The following CFAP92 variants were observed in gnomAD, a reference collection of about 807,000 sequenced individuals.
The protein encoded by CFAP92 is cilia and flagella associated protein 92 (putative), also known as uncharacterized protein CFAP92.
In CFAP92, 86 loss-of-function variants were observed where a neutral mutation model predicts 106.3. That is an observed-to-expected ratio of 0.81 (90% CI 0.68 to 0.97). The LOEUF is 0.97. Among genes scored for constraint, CFAP92 ranks in the 50% least tolerant of loss-of-function variants. CFAP92 has a pLI of 0.00. For missense variants in CFAP92, 1,204 were observed against 1,283.8 expected, an observed-to-expected ratio of 0.94 and a Z score of 0.95; for synonymous variants, 477 against 506.4, an observed-to-expected ratio of 0.94 and a Z score of 0.78.
chr3:128,988,563 T>C (rs1322692452), intron 3 of CFAP92, among the ~76,000 whole-genome samples, 165 bp downstream of exon 3: 1 of 151,790 alleles, frequency 6.6e-6, no homozygotes, highest in Non-Finnish European at 1.5e-5. Context: ...AAGTCAGTAA[T>C]TGGAATGATC....
intron 9 of CFAP92, among the ~76,000 whole-genome samples, chr3:128,956,021 A>AG (rs1941342212): frequency 1.2e-5 from 1 of 82,884 alleles, no homozygotes; most frequent in Non-Finnish European, 2.2e-5. Context: ...TCAAGTAATC[A>AG]GGGACACAAA....
rs754100489 is a variant in CFAP92, at chr3:128,976,962, T to C, written c.896+17A>G. ...GGGGCTCCACTCCCACCACCCAAAA[T>C]ATCGTTCAATCCTTACTGAATCGTG... On this transcript the variant is annotated intron_variant, in intron 6 of 15. Coordinates refer to ENST00000645291, the MANE Select transcript of CFAP92 (RefSeq NM_001394090.1). 4 of 1,607,350 alleles carry C rather than the reference T, an allele frequency of 2.5e-6. 1 individual carries two copies. The South Asian group carries it at 4.4e-5, about 18-fold the overall frequency.
At chr3:128,949,520 T>C (rs1940579120) in intron 9 of CFAP92, among the ~76,000 whole-genome samples, 1 of 152,218 alleles carries the variant, frequency 6.6e-6, no homozygotes, top group African/African-American at 2.4e-5. Context: ...CCCATTTACA[T>C]GACATTCTTC....
At chr3:128,926,788 G>C (rs967012681) in intron 12 of CFAP92, among the ~76,000 whole-genome samples, 1 of 152,078 alleles carries the variant, frequency 6.6e-6, no homozygotes, top group Admixed American at 6.6e-5. Context: ...GATAGGATTA[G>C]TGTCTTTGCA....
At chr3:128,980,782 T>C (rs1943479236) in intron 4 of CFAP92, among the ~76,000 whole-genome samples, 1 of 152,192 alleles carries the variant, frequency 6.6e-6, no homozygotes, top group Admixed American at 6.5e-5. Context: ...CCTCATCTGT[T>C]CAAATTTGAT....
upstream of CFAP92, among the ~76,000 whole-genome samples, chr3:128,996,530 A>T (rs1407255972): frequency 6.6e-6 from 1 of 152,242 alleles, no homozygotes; most frequent in Admixed American, 6.5e-5. Flanking sequence ...CAGGTATGAG[A>T]CAGTGGTGGG....
Position 128,971,273 on chromosome 3 carries a change from C to T in CFAP92, c.1168+14G>A. On this transcript the variant is annotated intron_variant, in intron 8 of 15. Coordinates refer to ENST00000645291, the MANE Select transcript of CFAP92 (RefSeq NM_001394090.1). Reference sequence around the variant, plus strand: ...CAAGCAGGAGCTGCTGGGAACAGGGCAAGCAGTGGGTACCGGCAAGGAGCG... The same window carrying T: ...CAAGCAGGAGCTGCTGGGAACAGGGTAAGCAGTGGGTACCGGCAAGGAGCG... 2 of 1,613,680 alleles carry T rather than the reference C, an allele frequency of 1.2e-6. No individual in the cohort carries two copies. Among genetic ancestry groups the T allele is most frequent in the Non-Finnish European group, 1.7e-6 (2 of 1,179,814 alleles).
chr3:128,937,860 C>T lies in CFAP92; in HGVS notation c.2259-2541G>A, dbSNP rs565366957. On this transcript the variant is annotated intron_variant, in intron 10 of 15. Coordinates refer to ENST00000645291, the MANE Select transcript of CFAP92 (RefSeq NM_001394090.1). ...GGTGGATCACCTGAGGTCAGGAGTT[C>T]GAGACCAGCCTTCCCAACATGGCAA... Among the ~76,000 whole-genome samples, 8 of 152,076 alleles carry T rather than the reference C, an allele frequency of 5.3e-5. No individual in the cohort carries two copies. In the South Asian group the frequency reaches 6.2e-4, roughly 12 times the overall value.
chr3:129,002,712 G>A (rs1409087455), upstream of CFAP92: 2 of 225,412 alleles, frequency 8.9e-6, no homozygotes, highest in African/African-American at 4.6e-5. Flanking sequence ...GGGAGGTTTA[G>A]GAGACAGAAG....
At chr3:128,980,283 C>T (rs746648565) in intron 4 of CFAP92, among the ~76,000 whole-genome samples, 2 of 148,082 alleles carry the variant, frequency 1.4e-5, no homozygotes, top group Non-Finnish European at 3.0e-5. Context: ...GGGAGGGCTG[C>T]TTGATTCTAG....
In CFAP92 at chr3:128,962,599, T is replaced by C. The variant is rs570544339; in HGVS notation, c.1353+2912A>G. The stretch of plus-strand genomic sequence containing the variant: ...ATTCCCCCACCTTAACCCACAAGTA[T>C]AAGAGACCTCTACTCCCTCCTTGGC... On this transcript the variant is annotated intron_variant, in intron 9 of 15. Coordinates refer to ENST00000645291, the MANE Select transcript of CFAP92 (RefSeq NM_001394090.1). 1.2e-4 allele frequency among the ~76,000 whole-genome samples: 19 copies of C among 152,208 alleles called. No homozygotes were observed. In the South Asian group the frequency reaches 3.3e-3, roughly 27 times the overall value.
intron 4 of CFAP92, 157 bp from the exon 5 acceptor site, chr3:128,978,342 T>C: frequency 1.5e-6 from 1 of 680,726 alleles, no homozygotes; most frequent in Non-Finnish European, 2.4e-6. Flanking sequence ...ATCTTCCCAG[T>C]GCATATAAAT....
chr3:128,945,099 T>C lies in CFAP92; in HGVS notation c.2230A>G (p.Arg744Gly). 1 of 1,532,424 alleles carries C rather than the reference T, an allele frequency of 6.5e-7. No homozygotes were observed. The highest frequency in any genetic ancestry group is 8.7e-7 in the Non-Finnish European group (1 of 1,144,344). The allele number at this position is 1,532,424 out of a possible 1,614,324, so 94.9% of individuals were successfully genotyped here. ...CTTTGGTGGTTCTCCCACAGCTGCCTCAAGCCTTGGTCGGCCAGGCCTTCC... is the reference window on the plus strand; with the variant it reads ...CTTTGGTGGTTCTCCCACAGCTGCCCCAAGCCTTGGTCGGCCAGGCCTTCC... ...ILEGLADQGL[R>G]QLWENHQSWI... Residue 744 changes from arginine to glycine, a missense_variant, in exon 10 of 16, where the codon AGG (arginine) becomes GGG (glycine). Coordinates refer to ENST00000645291, the MANE Select transcript of CFAP92 (RefSeq NM_001394090.1).
chr3:129,010,043 A>C, the CFAP92 span, among the ~76,000 whole-genome samples: 1 of 152,232 alleles, frequency 6.6e-6, no homozygotes, highest in African/African-American at 2.4e-5. This position sits in a 1 kb window ranked among gnomAD's most constrained non-coding sequence, Gnocchi z 4.3. Context: ...GCACACAGTA[A>C]GATGTGTGTG....
intron 6 of CFAP92, 86 bp downstream of exon 6, chr3:128,976,893 T>A: frequency 9.5e-7 from 1 of 1,052,638 alleles, no homozygotes; most frequent in South Asian, 1.3e-5. Flanking sequence ...TTAACTGGAT[T>A]TACTAAAAAA....
chr3:129,005,946 CACA>C (rs1945055924), upstream of CFAP92, among the ~76,000 whole-genome samples: 1 of 152,256 alleles, frequency 6.6e-6, no homozygotes, highest in Non-Finnish European at 1.5e-5. Flanking sequence ...TTTCTAAAAT[CACA>C]ACTAGTCCTC....
chr3:128,959,245 A>G (rs1941680901), intron 9 of CFAP92, among the ~76,000 whole-genome samples: 1 of 152,138 alleles, frequency 6.6e-6, no homozygotes, highest in Non-Finnish European at 1.5e-5. Flanking sequence ...AAAGACGACA[A>G]AAAGGATTTT....
chr3:128,912,995 A>C, intron 15 of CFAP92: 1 of 464,190 alleles, frequency 2.2e-6, no homozygotes, highest in Non-Finnish European at 4.3e-6. Flanking sequence ...CACATTCTCT[A>C]AGAAACAGCT....
At chr3:128,996,476 G>A (rs1944484124), upstream of CFAP92, among the ~76,000 whole-genome samples, 1 of 152,144 alleles carries the variant, frequency 6.6e-6, no homozygotes, top group South Asian at 2.1e-4. Context: ...AAGACCTAGG[G>A]CATCACAGGA....
Sources: allele counts gnomAD v4.1 joint callset (sites outside exome capture counted in the v4.1 genomes callset), GRCh38; gene constraint gnomAD v4.1.1; non-coding constraint Gnocchi (gnomAD v3.1); transcripts MANE v1.5; gene names NCBI Gene and HGNC (gene_info 2026-07-23, HGNC 2026-07-21).